SORCS3: variants seen among roughly 807,000 people sequenced by gnomAD.
The protein encoded by SORCS3 is sortilin related VPS10 domain containing receptor 3.
Under a neutral mutation model 146.3 loss-of-function variants are expected in SORCS3, and 57 were observed. That is an observed-to-expected ratio of 0.39 (90% CI 0.31 to 0.49). The LOEUF (loss-of-function observed/expected upper bound fraction) is 0.49, where lower values mean the gene tolerates loss of function less well. SORCS3 is among the 20% of genes least tolerant of loss of function. The probability of loss-of-function intolerance (pLI) is 0.92; values close to 1 mark genes in which losing one functional copy is unlikely to be tolerated. For missense variants in SORCS3, 1,341 were observed against 1,575.5 expected (o/e 0.85, Z 2.52); for synonymous variants, 653 against 618.5 (o/e 1.06, Z -0.83).
rs1358176073 is a variant in SORCS3, at chr10:105,047,759, G to A, written c.1028+4631G>A. ...AGGTCTTTATTGTACTTTGCTTAAG[G>A]CCGGCTTACACACTATGGGTTTCTA... On this transcript the variant is annotated intron_variant, in intron 5 of 26. Coordinates refer to ENST00000369701, the MANE Select transcript of SORCS3 (RefSeq NM_014978.3). Among the ~76,000 whole-genome samples, 5 of 152,182 alleles carry A rather than the reference G, an allele frequency of 3.3e-5. No individual in the cohort carries two copies. In the South Asian group the frequency reaches 8.3e-4, roughly 25 times the overall value.
At chr10:105,045,059 C>T (rs112024351) in intron 5 of SORCS3, among the ~76,000 whole-genome samples, 1,409 of 133,204 alleles carry the variant, frequency 0.011, 18 homozygotes, top group African/African-American at 0.039. Flanking sequence ...AGAAAGAAAG[C>T]GAAAGAAAGA....
At chr10:105,188,433 T>C (rs1353069101) in intron 14 of SORCS3, among the ~76,000 whole-genome samples, 1 of 152,118 alleles carries the variant, frequency 6.6e-6, no homozygotes, top group Non-Finnish European at 1.5e-5. Context: ...CCCTTTGAGG[T>C]TGTGATCTGG....
intron 16 of SORCS3, among the ~76,000 whole-genome samples, chr10:105,208,508 C>T (rs2056615656): frequency 6.6e-6 from 1 of 151,766 alleles, no homozygotes; most frequent in Non-Finnish European, 1.5e-5. Flanking sequence ...ACCAACCTGA[C>T]ATGAGTGAAC....
intron 1 of SORCS3, among the ~76,000 whole-genome samples, chr10:104,815,448 C>CAAAA (rs5787549): frequency 2.6e-4 from 21 of 79,264 alleles, no homozygotes; most frequent in Admixed American, 3.1e-4. Context: ...GACCCTGTCT[C>CAAAA]AAAAAAAAAA....
At chr10:105,181,445 G>C (rs1357994506) in intron 14 of SORCS3, among the ~76,000 whole-genome samples, 2 of 152,110 alleles carry the variant, frequency 1.3e-5, no homozygotes, top group Non-Finnish European at 2.9e-5. Context: ...AGGGCAGCTA[G>C]AGAATGAGGA....
chr10:105,058,999 G>A (rs764699141), intron 5 of SORCS3, among the ~76,000 whole-genome samples: 8 of 151,944 alleles, frequency 5.3e-5, no homozygotes, highest in African/African-American at 7.3e-5. Context: ...TAGTTTCTTC[G>A]GCCCCACCTG....
chr10:105,200,371 G>A (rs767028338), intron 15 of SORCS3, among the ~76,000 whole-genome samples: 19 of 152,186 alleles, frequency 1.2e-4, no homozygotes, highest in Non-Finnish European at 4.4e-5. Flanking sequence ...AGGTGTTGAT[G>A]ATAACCTGGG....
chr10:104,800,326 C>T (rs918220401), intron 1 of SORCS3, among the ~76,000 whole-genome samples: 5 of 151,784 alleles, frequency 3.3e-5, no homozygotes, highest in African/African-American at 1.2e-4. Context: ...CAGTAGTTAG[C>T]GAGGAGAGGG....
chr10:105,025,837 A>AACACACACACACACAC lies in SORCS3; in HGVS notation c.955-17189_955-17174dup, dbSNP rs57597161. ...ACTGCTTTATAATTATGTCTTCTCAAACACACACACACACACACACACACA... is the reference window on the plus strand; with the variant it reads ...ACTGCTTTATAATTATGTCTTCTCAAACACACACACACACACACACACACACACACACACACACACA... On this transcript the variant is annotated intron_variant, in intron 4 of 26. Coordinates refer to ENST00000369701, the MANE Select transcript of SORCS3 (RefSeq NM_014978.3). Among the ~76,000 whole-genome samples the AACACACACACACACAC allele has an allele frequency of 2.3e-3, 310 of 135,494 alleles. 2 individuals carry two copies. Among genetic ancestry groups the AACACACACACACACAC allele is most frequent in the African/African-American group, 8.2e-3 (293 of 35,828 alleles). The allele number at this position is 135,494 out of a possible 152,430, so 88.9% of individuals were successfully genotyped here.
At chr10:104,783,354 T>G (rs1483242454) in intron 1 of SORCS3, among the ~76,000 whole-genome samples, 3 of 152,316 alleles carry the variant, frequency 2.0e-5, no homozygotes, top group South Asian at 4.1e-4. Flanking sequence ...CTGGAAGAAG[T>G]GTTTGCTGAT....
intron 13 of SORCS3, among the ~76,000 whole-genome samples, chr10:105,171,991 C>A (rs1306095910): frequency 6.6e-6 from 1 of 152,168 alleles, no homozygotes; most frequent in Non-Finnish European, 1.5e-5. Context: ...AATTGACCTG[C>A]AAATGCCCAC....
At chr10:104,696,410 G>C (rs62646915) in intron 1 of SORCS3, among the ~76,000 whole-genome samples, 20 of 676 alleles carry the variant, frequency 0.03, no homozygotes, top group Non-Finnish European at 0.094. Context: ...ATATAATATA[G>C]AATATATATA....
intron 8 of SORCS3, among the ~76,000 whole-genome samples, chr10:105,141,595 C>T (rs2056095627): frequency 6.6e-6 from 1 of 152,166 alleles, no homozygotes; most frequent in Admixed American, 6.5e-5. Flanking sequence ...AATATGCTCT[C>T]CTGGGGTACT....
At chr10:105,202,178 A>G (rs2056578461) in intron 16 of SORCS3, among the ~76,000 whole-genome samples, 3 of 152,230 alleles carry the variant, frequency 2.0e-5, no homozygotes, top group South Asian at 2.1e-4. Flanking sequence ...AAAAACTCAA[A>G]CCATATCTTA....
chr10:105,139,767 C>G (rs1231303267), intron 8 of SORCS3, among the ~76,000 whole-genome samples: 1 of 152,118 alleles, frequency 6.6e-6, no homozygotes, highest in Non-Finnish European at 1.5e-5. Context: ...GGAACACTAG[C>G]TTTGGAATCT....
intron 14 of SORCS3, among the ~76,000 whole-genome samples, chr10:105,180,018 T>C (rs1208054358): frequency 6.6e-6 from 1 of 152,240 alleles, no homozygotes; most frequent in East Asian, 1.9e-4. Flanking sequence ...TCTGTTGCTT[T>C]CTCTTATCCA....
At chr10:104,707,735 C>G (rs996007450) in intron 1 of SORCS3, among the ~76,000 whole-genome samples, 1 of 152,206 alleles carries the variant, frequency 6.6e-6, no homozygotes, top group Non-Finnish European at 1.5e-5. Context: ...CACTCAAAGG[C>G]TGAGAGCTAG....
chr10:105,025,793 G>A (rs2055224361), intron 4 of SORCS3, among the ~76,000 whole-genome samples: 1 of 150,048 alleles, frequency 6.7e-6, no homozygotes, highest in Admixed American at 6.7e-5. Flanking sequence ...TAAGTATTGG[G>A]TGAATATCCG....
chr10:104,698,676 G>A lies in SORCS3; in HGVS notation c.627+56722G>A, dbSNP rs974193610. On this transcript the variant is annotated intron_variant, in intron 1 of 26. Transcript: ENST00000369701. ...ATTATTGAACAAATGGCTATCCTGT[G>A]TAACTCTAGGCTGGACATAGAGAAG... Among the ~76,000 whole-genome samples, 10 of 152,254 alleles carry A rather than the reference G, an allele frequency of 6.6e-5. No homozygotes were observed. In the South Asian group the frequency reaches 1.0e-3, roughly 16 times the overall value.
Sources: allele counts gnomAD v4.1 joint callset (sites outside exome capture counted in the v4.1 genomes callset), GRCh38; gene constraint gnomAD v4.1.1; transcripts MANE v1.5; gene names NCBI Gene and HGNC (gene_info 2026-07-23, HGNC 2026-07-21).